Variants in AVEN observed in about 807,000 individuals in gnomAD.
AVEN encodes the protein apoptosis and caspase activation inhibitor.
Under a neutral mutation model 38.1 loss-of-function variants are expected in AVEN, and 41 were observed. That is an observed-to-expected ratio of 1.08 (90% CI 0.84 to 1.40). AVEN has a LOEUF of 1.40. Ranked by LOEUF, AVEN falls within the 40% of genes most tolerant of loss-of-function variation. AVEN has a pLI of 0.00. For synonymous variants in AVEN, 206 were observed against 171.8 expected, an observed-to-expected ratio of 1.20 and a Z score of -1.56; for missense variants, 605 against 438.8, an observed-to-expected ratio of 1.38 and a Z score of -3.38.
At chr15:33,853,773 T>G in the AVEN span, 1 of 1,500,004 alleles carries the variant, frequency 6.7e-7, no homozygotes, top group South Asian at 1.3e-5. Context: ...GTGTCTTTGT[T>G]CTCTCAGGCT....
At chr15:34,049,285 A>G (rs999139742) in intron 5 of AVEN, among the ~76,000 whole-genome samples, 3 of 152,204 alleles carry the variant, frequency 2.0e-5, no homozygotes, top group Non-Finnish European at 2.9e-5. Context: ...TTGTAACCCA[A>G]TGCAAGGGAG....
intron 2 of AVEN, among the ~76,000 whole-genome samples, chr15:33,982,755 CATG>C (rs1231949200): frequency 6.6e-6 from 1 of 151,414 alleles, no homozygotes; most frequent in African/African-American, 2.4e-5. Context: ...ATGCTTTCCC[CATG>C]ATGTTTTCCC....
At chr15:33,945,335 T>G (rs1279068297) in intron 2 of AVEN, among the ~76,000 whole-genome samples, 1 of 152,192 alleles carries the variant, frequency 6.6e-6, no homozygotes, top group Non-Finnish European at 1.5e-5. Context: ...TTCTCCACCG[T>G]AAGTGTCTCA....
chr15:33,879,052 TA>T lies in AVEN; in HGVS notation c.446-3058del, dbSNP rs554309971. ...TATTTTTAATATCTGAATGTTCACTTAAAAATATGGGTAAAATATAAATCAT... is the reference window on the plus strand; with the variant it reads ...TATTTTTAATATCTGAATGTTCACTTAAAATATGGGTAAAATATAAATCAT... On this transcript the variant is annotated intron_variant, in intron 2 of 5. Coordinates refer to ENST00000306730, the MANE Select transcript of AVEN (RefSeq NM_020371.3). 5.7e-4 allele frequency among the ~76,000 whole-genome samples: 87 copies of T among 152,176 alleles called. No individual in the cohort carries two copies. In the South Asian group the frequency reaches 7.1e-3, roughly 12 times the overall value.
At chr15:33,853,769 T>TTGTTCTCTCAGGCTGTGGTCTGGCTTAGG in the AVEN span, 1 of 1,513,906 alleles carries the variant, frequency 6.6e-7, no homozygotes, top group Admixed American at 2.0e-5. Flanking sequence ...AACCGTGTCT[T>TTGTTCTCTCAGGCTGTGGTCTGGCTTAGG]TGTTCTCTCA....
Position 34,039,112 on chromosome 15 carries a change from C to A in AVEN, c.-66G>T. 1 of 1,055,654 alleles carries A rather than the reference C, an allele frequency of 9.5e-7. No individual in the cohort carries two copies. The highest frequency in any genetic ancestry group is 1.1e-6 in the Non-Finnish European group (1 of 875,882). 65.4% of individuals were successfully genotyped at this position (1,055,654 alleles called of 1,614,324 possible). Reference sequence around the variant, plus strand: ...TGCGGCGGAGACGCCCTGGCCCCACCGGAAGCGGGCCGCACGGAGGAGCCG... The same window carrying A: ...TGCGGCGGAGACGCCCTGGCCCCACAGGAAGCGGGCCGCACGGAGGAGCCG... On this transcript the variant is annotated 5_prime_UTR_variant, in exon 1 of 6. Transcript: ENST00000306730.
intron 2 of AVEN, among the ~76,000 whole-genome samples, chr15:34,067,855 A>G (rs1027703484): frequency 2.0e-5 from 3 of 152,112 alleles, no homozygotes; most frequent in African/African-American, 7.2e-5. Flanking sequence ...ACTAATTTCC[A>G]TCTTCCCCAC....
chr15:33,860,631 A>G, intron 11 of AVEN: 1 of 1,595,264 alleles, frequency 6.3e-7, no homozygotes, highest in Non-Finnish European at 8.6e-7. Flanking sequence ...CTAAGAGACC[A>G]GCAGGAACAA....
chr15:33,871,774 C>CAAAAAAAAA (rs55793582), intron 3 of AVEN, among the ~76,000 whole-genome samples: 5 of 91,578 alleles, frequency 5.5e-5, no homozygotes, highest in African/African-American at 1.2e-4. Flanking sequence ...CTAGTCTCCT[C>CAAAAAAAAA]AAAAAAAAAA....
chr15:33,943,823 T>TAAA (rs71119905), intron 2 of AVEN, among the ~76,000 whole-genome samples: 43 of 88,874 alleles, frequency 4.8e-4, no homozygotes, highest in African/African-American at 9.0e-4. Flanking sequence ...ACTCCGTCTT[T>TAAA]AAAAAAAAAA....
At chr15:33,874,936 C>T (rs1425504594) in intron 3 of AVEN, among the ~76,000 whole-genome samples, 2 of 152,196 alleles carry the variant, frequency 1.3e-5, no homozygotes, top group Non-Finnish European at 2.9e-5. Flanking sequence ...TAAACAGTAC[C>T]TCAGGCGTAG....
intron 2 of AVEN, among the ~76,000 whole-genome samples, chr15:33,940,645 G>A (rs1050803833): frequency 2.0e-5 from 3 of 152,122 alleles, no homozygotes; most frequent in Admixed American, 6.5e-5. Flanking sequence ...GGGTTCAAGC[G>A]ATTCTCCTGC....
chr15:33,964,803 A>G (rs1264727400), intron 2 of AVEN, among the ~76,000 whole-genome samples: 2 of 152,208 alleles, frequency 1.3e-5, no homozygotes, highest in Non-Finnish European at 2.9e-5. Context: ...TCAACTCTCC[A>G]GGTTATCTAA....
intron 2 of AVEN, among the ~76,000 whole-genome samples, chr15:34,001,802 T>A (rs1216576007): frequency 2.6e-5 from 4 of 152,192 alleles, no homozygotes; most frequent in African/African-American, 9.6e-5. Context: ...AGAGAATGCA[T>A]CACTTTATTG....
At chr15:34,026,812 C>A (rs1007818403) in intron 1 of AVEN, among the ~76,000 whole-genome samples, 2 of 152,086 alleles carry the variant, frequency 1.3e-5, no homozygotes, top group Non-Finnish European at 2.9e-5. Flanking sequence ...TTAAAAACTT[C>A]CCCTGCGGTC....
chr15:34,001,022 T>A (rs867134029), intron 2 of AVEN, among the ~76,000 whole-genome samples: 1 of 150,452 alleles, frequency 6.6e-6, no homozygotes. Context: ...GACTAGAATT[T>A]TTTTTTTTTT....
upstream of AVEN, among the ~76,000 whole-genome samples, chr15:34,042,676 T>A (rs1213755123): frequency 6.6e-6 from 1 of 152,044 alleles, no homozygotes; most frequent in Non-Finnish European, 1.5e-5. Context: ...GTGCTGGGAT[T>A]ACAGGCAACA....
At position 33,867,794 on chromosome 15, in the gene AVEN, A is replaced by G. The variant is rs149320627; in HGVS notation, c.674T>C (p.Leu225Ser). Reference protein sequence around the residue: ...KPKRTDDGKGLGMQLKGPLGP... With the variant: ...KPKRTDDGKGSGMQLKGPLGP... ...CAAGGGCCCCTTTAACTGCATCCCT[A>G]ATCCCTTGCCATCATCAGTTCTCTT... The change falls in exon 5 of 6, where the codon TTA (leucine) becomes TCA (serine). Residue 225 changes from leucine (L) to serine (S), a missense_variant. Leu to Ser is a moderately radical substitution (Grantham distance 145). Coordinates refer to ENST00000306730, the MANE Select transcript of AVEN (RefSeq NM_020371.3). 1.4e-5 allele frequency: 22 copies of G among 1,613,294 alleles called. No individual in the cohort carries two copies. In the African/African-American group the frequency reaches 2.4e-4, roughly 18 times the overall value.
chr15:33,978,037 G>A (rs938134375), intron 2 of AVEN, among the ~76,000 whole-genome samples: 16 of 151,446 alleles, frequency 1.1e-4, no homozygotes, highest in Admixed American at 9.2e-4. Context: ...ATGGAAGGAT[G>A]GAGGAGGAAG....
Sources: gnomAD v4.1 joint callset for allele counts (sites outside exome capture counted in the v4.1 genomes callset) on GRCh38, gnomAD v4.1.1 for gene constraint, MANE v1.5 for transcripts, NCBI Gene and HGNC (gene_info 2026-07-23, HGNC 2026-07-21) for gene names.